The following PCOLCE2 variants were observed in gnomAD, a reference collection of about 807,000 sequenced individuals.
PCOLCE2 encodes procollagen C-proteinase enhancer 2.
PCOLCE2 carries 42 observed loss-of-function variants against 47.0 expected under a neutral mutation model. The observed-to-expected ratio is 0.89, with a 90% confidence interval of 0.70 to 1.16. The LOEUF is 1.16. Among genes scored for constraint, PCOLCE2 ranks in the 50% most tolerant of loss-of-function variants. The probability of loss-of-function intolerance (pLI) is 0.00; values close to 1 mark genes in which losing one functional copy is unlikely to be tolerated. For synonymous variants in PCOLCE2, 169 were observed against 191.7 expected, an observed-to-expected ratio of 0.88 and a Z score of 0.98; for missense variants, 500 against 526.1, an observed-to-expected ratio of 0.95 and a Z score of 0.49.
chr3:142,880,049 C>T (rs942295303), intron 2 of PCOLCE2, among the ~76,000 whole-genome samples: 28 of 150,666 alleles, frequency 1.9e-4, no homozygotes, highest in African/African-American at 6.8e-4. Flanking sequence ...AACCCCACCC[C>T]CCCAAAAAAA....
At chr3:142,820,729 G>T in intron 8 of PCOLCE2, 149 bp downstream of exon 8, 1 of 597,196 alleles carries the variant, frequency 1.7e-6, no homozygotes, top group Non-Finnish European at 2.9e-6. Context: ...CAAGGACTTG[G>T]ATGAGAGCCC....
At chr3:142,879,592 A>C (rs1230136811) in intron 2 of PCOLCE2, among the ~76,000 whole-genome samples, 1 of 152,198 alleles carries the variant, frequency 6.6e-6, no homozygotes, top group Non-Finnish European at 1.5e-5. Flanking sequence ...TCCCAGAAAA[A>C]TTTAAGGCAA....
At chr3:142,880,776 G>A (rs1207326076) in intron 2 of PCOLCE2, among the ~76,000 whole-genome samples, 2 of 152,150 alleles carry the variant, frequency 1.3e-5, no homozygotes, top group African/African-American at 2.4e-5. Flanking sequence ...TGTTTATTAG[G>A]CATCTTTGGA....
intron 2 of PCOLCE2, among the ~76,000 whole-genome samples, chr3:142,876,330 T>C (rs1181180257): frequency 6.6e-6 from 1 of 151,994 alleles, no homozygotes; most frequent in African/African-American, 2.4e-5. Flanking sequence ...GTACACACAG[T>C]AATTTCAGTC....
intron 7 of PCOLCE2, among the ~76,000 whole-genome samples, chr3:142,822,506 A>G (rs1398876564): frequency 6.6e-6 from 1 of 152,158 alleles, no homozygotes; most frequent in African/African-American, 2.4e-5. Flanking sequence ...CAGAATTCCT[A>G]TGATGCTTTA....
chr3:142,884,984 G>A (rs1453334984), intron 2 of PCOLCE2, among the ~76,000 whole-genome samples: 1 of 152,024 alleles, frequency 6.6e-6, no homozygotes, highest in African/African-American at 2.4e-5. Flanking sequence ...AGCCAATACA[G>A]TGTGTTGGAA....
rs1168411028 is a variant in PCOLCE2, at chr3:142,818,348, T to A, written c.1235A>T (p.Asn412Ile). Reference protein sequence around the residue: ...KNQKLLDALKNKQC With the variant: ...KNQKLLDALKIKQC The stretch of plus-strand genomic sequence containing the variant: ...CACAGTTCACTGTTAACATTGCTTA[T>A]TTTTTAAGGCATCCAGGAGCTTCTG... The change falls in exon 9 of 9, where the codon AAT becomes ATT. Residue 412 changes from asparagine to isoleucine, a missense_variant. By Grantham distance (149) the Asn-to-Ile change is moderately radical (BLOSUM62 -3). Transcript: ENST00000295992. 6.2e-7 allele frequency: 1 copy of A among 1,613,670 alleles called. No homozygotes were observed.
At chr3:142,821,322 G>A (rs550032610) in intron 7 of PCOLCE2, among the ~76,000 whole-genome samples, 6 of 152,056 alleles carry the variant, frequency 3.9e-5, no homozygotes, top group Admixed American at 1.3e-4. Context: ...TCTTTAAAAC[G>A]TTTTATCCAA....
chr3:142,831,708 C>CA (rs1444984154), intron 5 of PCOLCE2, among the ~76,000 whole-genome samples: 4 of 151,892 alleles, frequency 2.6e-5, no homozygotes, highest in Non-Finnish European at 4.4e-5. Context: ...GATAAAATTA[C>CA]AAAAAAAGCA....
At chr3:142,841,069 C>T (rs374356031) in intron 4 of PCOLCE2, among the ~76,000 whole-genome samples, 9 of 128,446 alleles carry the variant, frequency 7.0e-5, no homozygotes, top group African/African-American at 2.5e-4. Flanking sequence ...AGCAAGACTC[C>T]GTCTCAAAAA....
intron 6 of PCOLCE2, among the ~76,000 whole-genome samples, chr3:142,828,761 C>A (rs1181618004): frequency 1.3e-5 from 2 of 152,174 alleles, no homozygotes; most frequent in African/African-American, 2.4e-5. Flanking sequence ...AGCAAGGGAA[C>A]CACTAGCTCA....
Position 142,884,265 on chromosome 3 carries a change from G to GT in PCOLCE2, c.192+3403dup, listed in dbSNP as rs1267111145. Among the ~76,000 whole-genome samples the GT allele has an allele frequency of 5.3e-5, 8 of 152,252 alleles. No homozygotes were observed. In the East Asian group the frequency reaches 1.5e-3, roughly 29 times the overall value. On this transcript the variant is annotated intron_variant, in intron 2 of 8. Coordinates refer to ENST00000295992, the MANE Select transcript of PCOLCE2 (RefSeq NM_013363.4). ...TTTCTTGCTGCAGGGCTTAATACAG[G>GT]TGGGAGTTATTGGTTCTGGTTCTTA...
chr3:142,820,466 C>T (rs996170383), intron 8 of PCOLCE2, among the ~76,000 whole-genome samples: 3 of 152,138 alleles, frequency 2.0e-5, no homozygotes, highest in Non-Finnish European at 2.9e-5. Flanking sequence ...CTTAATAGTC[C>T]TATCTCTGCA....
intron 2 of PCOLCE2, among the ~76,000 whole-genome samples, chr3:142,862,226 C>A (rs1376120223): frequency 2.0e-5 from 3 of 152,170 alleles, no homozygotes; most frequent in African/African-American, 7.2e-5. Context: ...AAACAGAACT[C>A]CAACTTCTAA....
chr3:142,888,503 G>A (rs1163672977), intron 1 of PCOLCE2, among the ~76,000 whole-genome samples: 2 of 152,264 alleles, frequency 1.3e-5, no homozygotes, highest in Non-Finnish European at 2.9e-5. Flanking sequence ...CTTCCCTCTG[G>A]CCCCATAGAC....
At chr3:142,857,620 T>C (rs899265178) in intron 2 of PCOLCE2, among the ~76,000 whole-genome samples, 1 of 152,146 alleles carries the variant, frequency 6.6e-6, no homozygotes, top group African/African-American at 2.4e-5. Flanking sequence ...AAACTGTAAA[T>C]CATATGTGAT....
chr3:142,841,892 T>C (rs1171439764), intron 4 of PCOLCE2, among the ~76,000 whole-genome samples: 3 of 152,204 alleles, frequency 2.0e-5, no homozygotes, highest in African/African-American at 7.2e-5. Context: ...AAGTTATCTT[T>C]AAAGGTCCAC....
chr3:142,845,805 T>G (rs1047928219), intron 3 of PCOLCE2, among the ~76,000 whole-genome samples: 2 of 152,128 alleles, frequency 1.3e-5, no homozygotes, highest in African/African-American at 4.8e-5. Context: ...TGAAACACCG[T>G]CTCTACTAAA....
chr3:142,820,024 T>C lies in PCOLCE2; in HGVS notation c.1117+854A>G, dbSNP rs114181235. Among the ~76,000 whole-genome samples, 628 of 152,210 alleles carry C rather than the reference T, an allele frequency of 4.1e-3. 6 individuals are homozygous for C. Among genetic ancestry groups the C allele is most frequent in the African/African-American group, 0.014 (601 of 41,504 alleles). The stretch of plus-strand genomic sequence containing the variant: ...TGTTAGAGCTTATGTAGGGGAAAAA[T>C]TGCAGAACTTGTGTGTGATATGATT... On this transcript the variant is annotated intron_variant, in intron 8 of 8. Transcript: ENST00000295992.
Sources: allele counts gnomAD v4.1 joint callset (sites outside exome capture counted in the v4.1 genomes callset), GRCh38; gene constraint gnomAD v4.1.1; transcripts MANE v1.5; gene names NCBI Gene and HGNC (gene_info 2026-07-23, HGNC 2026-07-21).